Variants in DHX32 observed in about 807,000 individuals in gnomAD.
DHX32 encodes the protein putative pre-mRNA-splicing factor ATP-dependent RNA helicase DHX32.
A neutral mutation model predicts 70.0 loss-of-function variants in DHX32; 51 were observed. That is an observed-to-expected ratio of 0.73 (90% CI 0.58 to 0.92). The LOEUF is 0.92. Ranked by LOEUF, DHX32 falls within the 40% of genes least tolerant of loss-of-function variation. DHX32 has a pLI of 0.00. For missense variants in DHX32, 762 were observed against 891.8 expected, an observed-to-expected ratio of 0.85 and a Z score of 1.85; for synonymous variants, 310 against 315.3, an observed-to-expected ratio of 0.98 and a Z score of 0.18.
At chr10:125,856,651 T>A (rs1564827377) in intron 3 of DHX32, among the ~76,000 whole-genome samples, 1 of 151,996 alleles carries the variant, frequency 6.6e-6, no homozygotes, top group African/African-American at 2.4e-5. Context: ...CTTCTTAATA[T>A]AAAAAATGGC....
chr10:125,849,970 TTTTG>T (rs1024925361), intron 6 of DHX32, among the ~76,000 whole-genome samples: 3 of 152,102 alleles, frequency 2.0e-5, no homozygotes, highest in African/African-American at 7.2e-5. Flanking sequence ...CTGTAGAATC[TTTTG>T]TTTCTCTTTT....
chr10:125,843,824 T>C (rs1369467608), intron 6 of DHX32, among the ~76,000 whole-genome samples: 1 of 152,152 alleles, frequency 6.6e-6, no homozygotes, highest in Non-Finnish European at 1.5e-5. Context: ...AGGCAAAAGA[T>C]CTGCTACTAG....
At chr10:125,842,914 G>T in intron 6 of DHX32, 1 of 397,104 alleles carries the variant, frequency 2.5e-6, no homozygotes, top group Non-Finnish European at 3.4e-6. Context: ...TTTATTTAAA[G>T]AAATATATTC....
At chr10:125,863,827 T>C (rs1239367672) in intron 2 of DHX32, among the ~76,000 whole-genome samples, 1 of 152,176 alleles carries the variant, frequency 6.6e-6, no homozygotes, top group East Asian at 1.9e-4. Flanking sequence ...CTAGCATACC[T>C]CTTCAGGAAA....
chr10:125,850,634 C>G (rs1013402550), intron 6 of DHX32, among the ~76,000 whole-genome samples: 2 of 152,076 alleles, frequency 1.3e-5, no homozygotes, highest in Non-Finnish European at 2.9e-5. Flanking sequence ...GGATTAGAGG[C>G]GTGAGCCACT....
At chr10:125,879,929 C>T (rs906665041) in intron 1 of DHX32, among the ~76,000 whole-genome samples, 1 of 152,212 alleles carries the variant, frequency 6.6e-6, no homozygotes, top group Non-Finnish European at 1.5e-5. Flanking sequence ...CAGATGTGAG[C>T]CACTGTGCCT....
intron 1 of DHX32, among the ~76,000 whole-genome samples, chr10:125,867,536 A>G (rs1944228318): frequency 6.6e-6 from 1 of 152,158 alleles, no homozygotes; most frequent in Non-Finnish European, 1.5e-5. Flanking sequence ...GGAGATCGAG[A>G]CCATCCTGGC....
chr10:125,847,862 G>C (rs993669679), intron 6 of DHX32, among the ~76,000 whole-genome samples: 2 of 151,962 alleles, frequency 1.3e-5, no homozygotes, highest in South Asian at 2.1e-4. Flanking sequence ...AATAGGGTTC[G>C]AGCTCCTACG....
In DHX32 at chr10:125,866,224, A is replaced by G. The variant is rs895063020; in HGVS notation, c.476+766T>C. 6.6e-6 allele frequency among the ~76,000 whole-genome samples: 1 copy of G among 152,248 alleles called. No individual in the cohort carries two copies. Among genetic ancestry groups the G allele is most frequent in the Admixed American group, 6.5e-5 (1 of 15,292 alleles). On this transcript the variant is annotated intron_variant, in intron 2 of 10. Transcript: ENST00000284690. The surrounding 1 kb of genome is among the most constrained non-coding windows in gnomAD (Gnocchi z 4.8). ...TATCACTTTCTATGATGGCTGTAAT[A>G]TAAAGGTGCTTGAGAAGCACTAGCC...
chr10:125,847,186 C>T (rs1262919733), intron 6 of DHX32, among the ~76,000 whole-genome samples: 1 of 152,012 alleles, frequency 6.6e-6, no homozygotes, highest in East Asian at 1.9e-4. Flanking sequence ...CATTTTTCTT[C>T]CTGATTTTTC....
In DHX32 at chr10:125,880,814, T is replaced by C; in HGVS notation, c.11A>G (p.Glu4Gly). Residue 4 changes from glutamate (E) to glycine (G), a missense_variant, in exon 1 of 11, where the codon GAA becomes GGA. By Grantham distance (98) the Glu-to-Gly change is moderately conservative. Transcript: ENST00000284690. MEE[E>G]GLECPNSSSE... Reference sequence around the variant, plus strand: ...GGAAGAGTTTGGACACTCCAGCCCTTCTTCTTCCATCTTGTCTGACAGTGA... The same window carrying C: ...GGAAGAGTTTGGACACTCCAGCCCTCCTTCTTCCATCTTGTCTGACAGTGA... 6.2e-7 allele frequency: 1 copy of C among 1,610,420 alleles called. No individual in the cohort carries two copies. Among genetic ancestry groups the C allele is most frequent in the African/African-American group, 1.3e-5 (1 of 74,840 alleles).
Position 125,839,047 on chromosome 10 carries a change from T to A in DHX32, c.1835A>T (p.Asn612Ile). The A allele has an allele frequency of 6.2e-7, 1 of 1,614,144 alleles. No homozygotes were observed. The highest frequency in any genetic ancestry group is 1.1e-5 in the South Asian group (1 of 91,074). The change falls in exon 9 of 11, where the codon AAC becomes ATC. Residue 612 changes from asparagine to isoleucine, a missense_variant. By Grantham distance (149) the Asn-to-Ile change is moderately radical. Around this residue, in one of 3 missense-constraint regions of DHX32, gnomAD observed 366 missense variants for 402.6 expected, o/e 0.91. Coordinates refer to ENST00000284690, the MANE Select transcript of DHX32 (RefSeq NM_018180.3). ...AAGAGCTTTCTTTATGTTTAGAGTG[T>A]TTTCCTTGGAGCCAAAAGCAGGTTC... ...YAEPAFGSKE[N>I]TLNIKKALLS...
At chr10:125,867,332 C>G in intron 1 of DHX32, 149 bp from the exon 2 acceptor site, 1 of 655,780 alleles carries the variant, frequency 1.5e-6, no homozygotes, top group Non-Finnish European at 2.6e-6. Context: ...TAGTGAAACT[C>G]TGAACAATAT....
At chr10:125,850,782 CA>C (rs1944080942) in intron 6 of DHX32, among the ~76,000 whole-genome samples, 1 of 152,214 alleles carries the variant, frequency 6.6e-6, no homozygotes, top group Non-Finnish European at 1.5e-5. Context: ...ATACCAAAGC[CA>C]GTCATCTGGC....
rs73381280 is a variant in DHX32 at position 125,881,067 on chromosome 10, C to T, written c.-243G>A. The stretch of plus-strand genomic sequence containing the variant: ...GGCATTGTAAATGATTGTCAATAAA[C>T]CACACTAAGAAACAAACAAACAAAA... On this transcript the variant is annotated 5_prime_UTR_variant, in exon 1 of 11. Coordinates refer to ENST00000284690, the MANE Select transcript of DHX32 (RefSeq NM_018180.3). 4 of 399,508 alleles carry T rather than the reference C, an allele frequency of 1.0e-5. No homozygotes were observed. Among genetic ancestry groups the T allele is most frequent in the Non-Finnish European group, 1.8e-5 (4 of 226,966 alleles). The allele number at this position is 399,508 out of a possible 1,614,324, so 24.7% of individuals were successfully genotyped here.
At chr10:125,855,165 C>G (rs1393169101) in intron 3 of DHX32, among the ~76,000 whole-genome samples, 1 of 148,604 alleles carries the variant, frequency 6.7e-6, no homozygotes, top group Non-Finnish European at 1.5e-5. Context: ...GAGGTTGCAG[C>G]GAGCCGAGAT....
chr10:125,890,059 C>T (rs1317309758), intron 1 of DHX32, among the ~76,000 whole-genome samples: 2 of 152,306 alleles, frequency 1.3e-5, no homozygotes, highest in African/African-American at 4.8e-5. Flanking sequence ...TTACATATTG[C>T]TTCCAGACTA....
At chr10:125,840,416 T>A (rs1262038067) in intron 8 of DHX32, among the ~76,000 whole-genome samples, 1 of 152,234 alleles carries the variant, frequency 6.6e-6, no homozygotes, top group African/African-American at 2.4e-5. Flanking sequence ...TCTGCACTAG[T>A]ATCTGGAGCT....
chr10:125,846,289 G>A (rs1286835165), intron 6 of DHX32, among the ~76,000 whole-genome samples: 1 of 152,174 alleles, frequency 6.6e-6, no homozygotes, highest in East Asian at 1.9e-4. Context: ...TTAAACAAGA[G>A]TTGGCACTGT....
Sources: allele counts gnomAD v4.1 joint callset (sites outside exome capture counted in the v4.1 genomes callset), GRCh38; gene constraint gnomAD v4.1.1; regional missense constraint gnomAD v4.1.1; non-coding constraint Gnocchi (gnomAD v3.1); transcripts MANE v1.5; gene names NCBI Gene and HGNC (gene_info 2026-07-23, HGNC 2026-07-21).